CAMTA1: variants seen among roughly 807,000 people sequenced by gnomAD.
CAMTA1 encodes the protein calmodulin binding transcription activator 1, also known as calmodulin-binding transcription activator 1.
In CAMTA1, 27 loss-of-function variants were observed where a neutral mutation model predicts 170.9. The ratio of observed to expected loss-of-function variants is 0.16; its 90% confidence interval spans 0.12 to 0.22. The LOEUF (loss-of-function observed/expected upper bound fraction) is 0.22, where lower values mean the gene tolerates loss of function less well. Ranked by LOEUF, CAMTA1 falls within the 10% of genes least tolerant of loss-of-function variation. The pLI is 1.00. For missense variants in CAMTA1, 1,619 were observed against 2,217.2 expected (o/e 0.73, Z 5.42); for synonymous variants, 833 against 891.5 (o/e 0.93, Z 1.17).
At chr1:7,372,267 A>G (rs2086530680) in intron 5 of CAMTA1, among the ~76,000 whole-genome samples, 1 of 152,228 alleles carries the variant, frequency 6.6e-6, no homozygotes, top group Admixed American at 6.5e-5. Context: ...GGGTGAGGCC[A>G]TTGCAGGTCC....
intron 6 of CAMTA1, among the ~76,000 whole-genome samples, chr1:7,498,406 AGT>A (rs1051031159): frequency 3.5e-4 from 50 of 143,438 alleles, no homozygotes; most frequent in South Asian, 1.5e-3. Flanking sequence ...AATGTGTATG[AGT>A]GTGTATGAGT....
chr1:7,252,007 C>T (rs1297897924), intron 5 of CAMTA1, among the ~76,000 whole-genome samples: 1 of 152,184 alleles, frequency 6.6e-6, no homozygotes. Context: ...CTATAGCATT[C>T]TACTATATAA....
At chr1:7,454,839 C>T (rs533431577) in intron 5 of CAMTA1, among the ~76,000 whole-genome samples, 2 of 152,254 alleles carry the variant, frequency 1.3e-5, no homozygotes, top group South Asian at 4.2e-4. Context: ...GGAAGGTTGG[C>T]TTCTCCTCTG....
intron 3 of CAMTA1, among the ~76,000 whole-genome samples, chr1:6,949,185 C>T (rs1481596450): frequency 6.6e-6 from 1 of 152,242 alleles, no homozygotes; most frequent in African/African-American, 2.4e-5. Flanking sequence ...TTTCAGCCCC[C>T]ATACTTGAGT....
chr1:6,799,759 G>A (rs1643446732), intron 1 of CAMTA1, among the ~76,000 whole-genome samples: 2 of 152,112 alleles, frequency 1.3e-5, no homozygotes, highest in South Asian at 4.1e-4. Flanking sequence ...TGTAATAAAA[G>A]TTGTGTGAAT....
In CAMTA1 at chr1:7,767,448, C is replaced by G. The variant is rs2097030405; in HGVS notation, c.*957C>G. The G allele has an allele frequency of 6.5e-6, 1 of 152,742 alleles. No individual in the cohort carries two copies. Among genetic ancestry groups the G allele is most frequent in the Non-Finnish European group, 1.5e-5 (1 of 68,044 alleles). 9.5% of individuals were successfully genotyped at this position (152,742 alleles called of 1,614,324 possible). Reference sequence around the variant, plus strand: ...TAAACGATCAGTGTGGTGCTGCGTTCTGGCCAGTAAATTCCATGTTTTTGG... The same window carrying G: ...TAAACGATCAGTGTGGTGCTGCGTTGTGGCCAGTAAATTCCATGTTTTTGG... On this transcript the variant is annotated 3_prime_UTR_variant, in exon 23 of 23. Coordinates refer to ENST00000303635, the MANE Select transcript of CAMTA1 (RefSeq NM_015215.4).
chr1:7,617,885 T>C (rs996507880), intron 6 of CAMTA1, among the ~76,000 whole-genome samples: 1 of 152,036 alleles, frequency 6.6e-6, no homozygotes, highest in Non-Finnish European at 1.5e-5. Flanking sequence ...CTGATCACAA[T>C]AAGGTTCTTA....
chr1:7,139,524 C>A (rs1645772590), intron 4 of CAMTA1, among the ~76,000 whole-genome samples: 1 of 151,826 alleles, frequency 6.6e-6, no homozygotes, highest in Admixed American at 6.6e-5. Flanking sequence ...TTTAAGAGCC[C>A]CTCCCTGGAA....
chr1:7,387,479 G>A (rs539105733), intron 5 of CAMTA1, among the ~76,000 whole-genome samples: 1 of 152,074 alleles, frequency 6.6e-6, no homozygotes, highest in Non-Finnish European at 1.5e-5. Flanking sequence ...TGAGCTTCAC[G>A]GCTGCAGCTG....
intron 19 of CAMTA1, among the ~76,000 whole-genome samples, chr1:7,749,572 T>C (rs903628917): frequency 6.6e-6 from 1 of 151,648 alleles, no homozygotes; most frequent in African/African-American, 2.4e-5. Flanking sequence ...AACTGTCATC[T>C]ACAGCTAGGA....
At chr1:6,909,542 C>T (rs1406162941) in intron 3 of CAMTA1, among the ~76,000 whole-genome samples, 1 of 152,196 alleles carries the variant, frequency 6.6e-6, no homozygotes, top group Non-Finnish European at 1.5e-5. Context: ...GGCTGGCAGA[C>T]ACAGCAGGCG....
chr1:7,039,784 G>C (rs1368847919), intron 3 of CAMTA1, among the ~76,000 whole-genome samples: 1 of 152,130 alleles, frequency 6.6e-6, no homozygotes, highest in Admixed American at 6.5e-5. Flanking sequence ...GAGTGTGGGA[G>C]GAAAATGGGT....
At chr1:7,335,110 T>G (rs923792965) in intron 5 of CAMTA1, among the ~76,000 whole-genome samples, 1 of 57,346 alleles carries the variant, frequency 1.7e-5, no homozygotes, top group Admixed American at 2.2e-4. Flanking sequence ...AGGGCTTGTT[T>G]GGCAGCACAG....
chr1:7,442,327 G>A (rs2092564628), intron 5 of CAMTA1, among the ~76,000 whole-genome samples: 1 of 152,234 alleles, frequency 6.6e-6, no homozygotes, highest in Admixed American at 6.5e-5. Flanking sequence ...TGAATCACAA[G>A]TAGGTGCCTG....
At chr1:7,206,333 T>G (rs1657731810) in intron 4 of CAMTA1, among the ~76,000 whole-genome samples, 1 of 152,214 alleles carries the variant, frequency 6.6e-6, no homozygotes, top group South Asian at 2.1e-4. Context: ...GAGGAATACT[T>G]TTGTGTTATT....
chr1:7,634,054 G>A lies in CAMTA1; in HGVS notation c.511-6346G>A, dbSNP rs975280223. On this transcript the variant is annotated intron_variant, in intron 6 of 22. Transcript: ENST00000303635. The surrounding 1 kb of genome is among the most constrained non-coding windows in gnomAD (Gnocchi z 6.2). ...AGCACAGGTGGCCCGGCCTGGAACC[G>A]TGGCAGGAGTGTGGGCCTGATCTCA... Among the ~76,000 whole-genome samples, 3 of 152,184 alleles carry A rather than the reference G, an allele frequency of 2.0e-5. No homozygotes were observed. The highest frequency in any genetic ancestry group is 4.4e-5 in the Non-Finnish European group (3 of 68,032).
chr1:6,806,557 T>C lies in CAMTA1; in HGVS notation c.46-13624T>C, dbSNP rs545490727. On this transcript the variant is annotated intron_variant, in intron 1 of 22. Coordinates refer to ENST00000303635, the MANE Select transcript of CAMTA1 (RefSeq NM_015215.4). ...ACAAAATTTTGTTTTAATTTATTGA[T>C]GTAGTAGGCTGCCTTGGTGAAACAC... Among the ~76,000 whole-genome samples the C allele has an allele frequency of 1.1e-4, 17 of 152,336 alleles. No homozygotes were observed. In the East Asian group the frequency reaches 2.9e-3, roughly 26 times the overall value.
At chr1:7,721,541 G>A (rs2096649633) in intron 11 of CAMTA1, among the ~76,000 whole-genome samples, 1 of 152,030 alleles carries the variant, frequency 6.6e-6, no homozygotes, top group African/African-American at 2.4e-5. Context: ...GGTTGGCCTC[G>A]GCAGAGGCCC....
intron 4 of CAMTA1, chr1:7,219,330 G>C (rs1256393845): frequency 6.6e-6 from 1 of 151,696 alleles, no homozygotes; most frequent in Non-Finnish European, 1.5e-5. Context: ...GTGTATATGC[G>C]AGTAGGTCTC....
Sources: gnomAD v4.1 joint callset for allele counts (sites outside exome capture counted in the v4.1 genomes callset) on GRCh38, gnomAD v4.1.1 for gene constraint, Gnocchi (gnomAD v3.1) non-coding constraint, MANE v1.5 for transcripts, NCBI Gene and HGNC (gene_info 2026-07-23, HGNC 2026-07-21) for gene names.